Variants in LDLRAD4 observed in about 807,000 individuals in gnomAD.
LDLRAD4 encodes the protein low-density lipoprotein receptor class A domain-containing protein 4.
Under a neutral mutation model 17.0 loss-of-function variants are expected in LDLRAD4, and 5 were observed. That is an observed-to-expected ratio of 0.29 (90% CI 0.15 to 0.62). The LOEUF is 0.62. LDLRAD4 is among the 20% of genes least tolerant of loss of function. The pLI is 0.84. For missense variants in LDLRAD4, 340 were observed against 424.7 expected (o/e 0.80, Z 1.75); for synonymous variants, 168 against 171.8 (o/e 0.98, Z 0.17).
intron 1 of LDLRAD4, among the ~76,000 whole-genome samples, chr18:13,234,520 G>A (rs920841897): frequency 6.7e-6 from 1 of 150,188 alleles, no homozygotes; most frequent in East Asian, 1.9e-4. Flanking sequence ...GGGGAGGATG[G>A]TGGGCAGGTC....
At chr18:13,231,526 A>G (rs2042076570) in intron 1 of LDLRAD4, among the ~76,000 whole-genome samples, 2 of 152,252 alleles carry the variant, frequency 1.3e-5, no homozygotes, top group African/African-American at 4.8e-5. Flanking sequence ...CAAGCCCATT[A>G]GAACACCTAC....
chr18:13,516,946 C>G (rs116515080), intron 3 of LDLRAD4, among the ~76,000 whole-genome samples: 2 of 152,160 alleles, frequency 1.3e-5, no homozygotes, highest in Admixed American at 6.5e-5. Flanking sequence ...AACTCCTAAC[C>G]TCAAGTGATC....
chr18:13,381,076 G>GTTTTTTTTTTT (rs759672017), intron 1 of LDLRAD4, among the ~76,000 whole-genome samples: 4 of 128,486 alleles, frequency 3.1e-5, no homozygotes, highest in Non-Finnish European at 6.4e-5. Flanking sequence ...TTTCTCTTTA[G>GTTTTTTTTTTT]TTTTTTTTTT....
chr18:13,482,149 T>G (rs1304867444), intron 3 of LDLRAD4, among the ~76,000 whole-genome samples: 1 of 151,718 alleles, frequency 6.6e-6, no homozygotes, highest in Non-Finnish European at 1.5e-5. Context: ...GCCTGGCCTG[T>G]AGTGAGGGCT....
chr18:13,261,142 G>A (rs1439594106), intron 1 of LDLRAD4, among the ~76,000 whole-genome samples: 2 of 152,252 alleles, frequency 1.3e-5, no homozygotes, highest in African/African-American at 4.8e-5. Context: ...CAACAGGCGT[G>A]AGGAACTGAT....
chr18:13,450,326 A>ACCCC (rs397793931), intron 3 of LDLRAD4, among the ~76,000 whole-genome samples: 28 of 68,110 alleles, frequency 4.1e-4, no homozygotes, highest in South Asian at 3.2e-3. Flanking sequence ...CTCTCCCCCC[A>ACCCC]CCCCCCCCCC....
chr18:13,630,708 G>A lies in LDLRAD4; in HGVS notation c.336+9437G>A, dbSNP rs369953649. Among the ~76,000 whole-genome samples the A allele has an allele frequency of 9.2e-5, 14 of 152,206 alleles. No individual in the cohort carries two copies. In the East Asian group the frequency reaches 1.5e-3, roughly 17 times the overall value. On this transcript the variant is annotated intron_variant, in intron 4 of 5. Coordinates refer to ENST00000359446, the Ensembl canonical transcript of LDLRAD4. ...AAATGAGGGATAACTGGCTTCATTC[G>A]GAGGCCTTCAATCTGTATCTTGCCA...
At chr18:13,269,441 G>C (rs772203954) in intron 1 of LDLRAD4, among the ~76,000 whole-genome samples, 25 of 152,204 alleles carry the variant, frequency 1.6e-4, no homozygotes, top group African/African-American at 4.8e-4. Flanking sequence ...CAGATATTGT[G>C]CTCTGAACTA....
intron 1 of LDLRAD4, among the ~76,000 whole-genome samples, chr18:13,236,174 C>T (rs991786198): frequency 3.9e-5 from 6 of 152,272 alleles, no homozygotes; most frequent in East Asian, 3.9e-4. Flanking sequence ...TGGCACCCGT[C>T]GCTCCCGAGC....
intron 3 of LDLRAD4, among the ~76,000 whole-genome samples, chr18:13,576,813 T>C (rs760178037): frequency 6.6e-6 from 1 of 152,190 alleles, no homozygotes; most frequent in Non-Finnish European, 1.5e-5. Flanking sequence ...AGTGTTAGGA[T>C]AGAGATGGCG....
chr18:13,233,332 C>G (rs1297735076), intron 1 of LDLRAD4, among the ~76,000 whole-genome samples: 1 of 152,196 alleles, frequency 6.6e-6, no homozygotes, highest in East Asian at 1.9e-4. Flanking sequence ...ATCAAGGGAC[C>G]CTCTGGCTTG....
intron 3 of LDLRAD4, among the ~76,000 whole-genome samples, chr18:13,601,107 T>C (rs2095155746): frequency 6.6e-6 from 1 of 152,210 alleles, no homozygotes; most frequent in South Asian, 2.1e-4. Context: ...GTCCAGTCGA[T>C]CCATCTCCAT....
At chr18:13,619,457 A>G (rs898363538) in intron 3 of LDLRAD4, among the ~76,000 whole-genome samples, 1 of 130,148 alleles carries the variant, frequency 7.7e-6, no homozygotes, top group African/African-American at 2.9e-5. Context: ...CCCAACATGA[A>G]AATTGTTGAT....
chr18:13,584,929 G>A (rs111485469), intron 3 of LDLRAD4, among the ~76,000 whole-genome samples: 3,541 of 152,300 alleles, frequency 0.023, 45 homozygotes, highest in African/African-American at 0.029. Context: ...TGCTGCCCAC[G>A]TAGGCAATTA....
chr18:13,431,093 T>C (rs2090305786), intron 2 of LDLRAD4, among the ~76,000 whole-genome samples: 7 of 152,226 alleles, frequency 4.6e-5, no homozygotes, highest in Admixed American at 4.6e-4. Flanking sequence ...TTTTCAGAGA[T>C]TTTCCCTGTT....
At chr18:13,643,558 TG>T (rs934506160) in intron 5 of LDLRAD4, 146 bp downstream of exon 6, 1 of 432,704 alleles carries the variant, frequency 2.3e-6, no homozygotes, top group Non-Finnish European at 4.0e-6. Context: ...CCTAGAACTT[TG>T]GTCAAAAGCG....
intron 2 of LDLRAD4, among the ~76,000 whole-genome samples, chr18:13,412,228 A>G (rs2088439859): frequency 6.6e-6 from 1 of 152,212 alleles, no homozygotes; most frequent in Non-Finnish European, 1.5e-5. Context: ...ACTTTGCCTC[A>G]GTTACTGCAT....
At chr18:13,566,865 A>G (rs1472020245) in intron 3 of LDLRAD4, among the ~76,000 whole-genome samples, 2 of 152,210 alleles carry the variant, frequency 1.3e-5, no homozygotes, top group Non-Finnish European at 2.9e-5. Context: ...AAAGTGGAAA[A>G]TCATTTAGAC....
intron 4 of LDLRAD4, chr18:13,642,080 A>C: frequency 1.0e-6 from 1 of 985,366 alleles, no homozygotes; most frequent in Non-Finnish European, 1.2e-6. Flanking sequence ...CCCTCCCGTC[A>C]CAGGCGGTCC....
Sources: allele counts gnomAD v4.1 joint callset (sites outside exome capture counted in the v4.1 genomes callset), GRCh38; gene constraint gnomAD v4.1.1; transcripts MANE v1.5; gene names NCBI Gene and HGNC (gene_info 2026-07-23, HGNC 2026-07-21).